Variants in ABI1 observed in about 807,000 individuals in gnomAD.
The protein encoded by ABI1 is Abelson interactor 1.
In ABI1, 14 loss-of-function variants were observed where a neutral mutation model predicts 54.6. The ratio of observed to expected loss-of-function variants is 0.26; its 90% CI spans 0.17 to 0.40. ABI1 has a LOEUF of 0.40. ABI1 is among the 10% of genes least tolerant of loss of function. The pLI is 1.00. For missense variants in ABI1, 443 were observed against 598.3 expected (o/e 0.74, Z 2.71); for synonymous variants, 194 against 209.3 (o/e 0.93, Z 0.63).
chr10:26,777,332 C>T, intron 2 of ABI1, 91 bp from the exon 3 acceptor site: 4 of 888,038 alleles, frequency 4.5e-6, no homozygotes, highest in Non-Finnish European at 6.7e-6. Context: ...GGACAGACCA[C>T]AGGGCTGTAC....
At chr10:26,856,363 C>G (rs1274804861) in intron 1 of ABI1, among the ~76,000 whole-genome samples, 1 of 146,628 alleles carries the variant, frequency 6.8e-6, no homozygotes, top group East Asian at 2.0e-4. Context: ...CAGGCCCCAC[C>G]TCATACAAGC....
At chr10:26,751,557 A>G in intron 10 of ABI1, 41 bp downstream of exon 10, 1 of 1,571,730 alleles carries the variant, frequency 6.4e-7, no homozygotes. Flanking sequence ...TTCTACAATT[A>G]GGTTATTTTC....
intron 9 of ABI1, 59 bp from the exon 10 acceptor site, chr10:26,751,842 G>A (rs1837679403): frequency 2.6e-5 from 37 of 1,435,870 alleles, no homozygotes; most frequent in Non-Finnish European, 3.4e-5. Context: ...AAACTTATAA[G>A]TTAACAGAAT....
At chr10:26,771,849 G>A (rs971463935) in intron 3 of ABI1, among the ~76,000 whole-genome samples, 4 of 151,902 alleles carry the variant, frequency 2.6e-5, no homozygotes, top group African/African-American at 7.3e-5. Flanking sequence ...GATCCTAAAG[G>A]CTACTTCTAT....
At chr10:26,782,321 A>G (rs1590445) in intron 2 of ABI1, among the ~76,000 whole-genome samples, 87,308 of 151,998 alleles carry the variant, frequency 0.57, 27,262 homozygotes, top group African/African-American at 0.83. Flanking sequence ...ATCGCTTAGT[A>G]CTGCAACAGC....
chr10:26,858,888 C>T (rs2051072951), intron 1 of ABI1, among the ~76,000 whole-genome samples: 1 of 152,056 alleles, frequency 6.6e-6, no homozygotes, highest in African/African-American at 2.4e-5. Context: ...AAGGAGCCAC[C>T]CCTGTATGAA....
intron 4 of ABI1, 122 bp from the exon 5 acceptor site, chr10:26,770,467 A>C (rs1358991140): frequency 6.8e-6 from 7 of 1,030,152 alleles, no homozygotes; most frequent in Non-Finnish European, 1.1e-5. Context: ...CAGTTTGAAT[A>C]AAGACTTTGG....
At position 26,759,053 on chromosome 10, in the gene ABI1, C is replaced by T; in HGVS notation, c.997+9G>A. ...ACTGTTGCTGTATGCCTGCAAAGCACAAGCTTACTTGAATTTTGAGAATAA... is the reference window on the plus strand; with the variant it reads ...ACTGTTGCTGTATGCCTGCAAAGCATAAGCTTACTTGAATTTTGAGAATAA... On this transcript the variant is annotated intron_variant, in intron 8 of 10. Transcript: ENST00000376140. 6.2e-7 allele frequency: 1 copy of T among 1,609,394 alleles called. No individual in the cohort carries two copies. Among genetic ancestry groups the T allele is most frequent in the Non-Finnish European group, 8.5e-7 (1 of 1,176,826 alleles).
chr10:26,766,589 T>C (rs1839981885), intron 6 of ABI1, among the ~76,000 whole-genome samples: 1 of 152,196 alleles, frequency 6.6e-6, no homozygotes, highest in African/African-American at 2.4e-5. Flanking sequence ...ATAGCTTAGA[T>C]GTGAAGACCT....
Position 26,769,011 on chromosome 10 carries a change from G to T in ABI1, c.579-19C>A. On this transcript the variant is annotated intron_variant, in intron 5 of 10. Transcript: ENST00000376140. ...ATTCCGTCTAAAGGAGCATAGTGGA[G>T]AAAGGAATAATGAATAAAAAAGATA... The T allele has an allele frequency of 1.6e-5, 25 of 1,552,762 alleles. No individual in the cohort carries two copies. Among genetic ancestry groups the T allele is most frequent in the Non-Finnish European group, 2.1e-5 (24 of 1,151,962 alleles).
chr10:26,833,058 C>T (rs1360142732), intron 1 of ABI1, among the ~76,000 whole-genome samples: 1 of 152,146 alleles, frequency 6.6e-6, no homozygotes, highest in East Asian at 1.9e-4. Context: ...AGGTTGAGAC[C>T]TTTCATTATA....
At chr10:26,857,961 A>G (rs559481589) in intron 1 of ABI1, among the ~76,000 whole-genome samples, 1 of 152,322 alleles carries the variant, frequency 6.6e-6, no homozygotes, top group Admixed American at 6.5e-5. Flanking sequence ...ACAGAACCAA[A>G]GAACTAATAA....
intron 1 of ABI1, among the ~76,000 whole-genome samples, chr10:26,846,511 G>A (rs2049991235): frequency 6.6e-6 from 1 of 151,628 alleles, no homozygotes; most frequent in South Asian, 2.1e-4. Flanking sequence ...TCTGGCTAAT[G>A]TTTGTATTTT....
chr10:26,852,530 A>G (rs1448457789), intron 1 of ABI1, among the ~76,000 whole-genome samples: 1 of 152,198 alleles, frequency 6.6e-6, no homozygotes, highest in Non-Finnish European at 1.5e-5. Flanking sequence ...TAAGTTGCTA[A>G]TATTTGACGT....
At chr10:26,808,748 G>A (rs2047033916) in intron 2 of ABI1, among the ~76,000 whole-genome samples, 1 of 151,900 alleles carries the variant, frequency 6.6e-6, no homozygotes, top group Admixed American at 6.6e-5. Flanking sequence ...AAAGGTAACT[G>A]GGAGATGGAA....
intron 2 of ABI1, among the ~76,000 whole-genome samples, chr10:26,787,353 C>G (rs763813484): frequency 1.2e-4 from 18 of 152,140 alleles, no homozygotes; most frequent in Non-Finnish European, 1.9e-4. Context: ...TTGTTCTTTC[C>G]CTATTTTTCT....
chr10:26,768,462 T>C (rs1840243629), intron 6 of ABI1, among the ~76,000 whole-genome samples: 1 of 150,890 alleles, frequency 6.6e-6, no homozygotes, highest in Non-Finnish European at 1.5e-5. Context: ...CGCTTGAACC[T>C]GGGAGGCAGA....
intron 2 of ABI1, among the ~76,000 whole-genome samples, chr10:26,815,762 T>A (rs2047521931): frequency 6.6e-6 from 1 of 152,030 alleles, no homozygotes; most frequent in African/African-American, 2.4e-5. Context: ...CCCAAAAAAA[T>A]TAGCTGGGTA....
At chr10:26,814,800 A>G (rs1053401759) in intron 2 of ABI1, among the ~76,000 whole-genome samples, 1 of 152,198 alleles carries the variant, frequency 6.6e-6, no homozygotes. Flanking sequence ...ACACAAACAG[A>G]AAGTTAAAAG....
Sources: gnomAD v4.1 joint callset for allele counts (sites outside exome capture counted in the v4.1 genomes callset) on GRCh38, gnomAD v4.1.1 for gene constraint, MANE v1.5 for transcripts, NCBI Gene and HGNC (gene_info 2026-07-23, HGNC 2026-07-21) for gene names.